Variants in MAGI2 observed in about 807,000 individuals in gnomAD.
MAGI2 encodes membrane associated guanylate kinase, WW and PDZ domain containing 2.
A neutral mutation model predicts 133.3 loss-of-function variants in MAGI2; 35 were observed. That is an observed-to-expected ratio of 0.26 (90% CI 0.20 to 0.35). The LOEUF (loss-of-function observed/expected upper bound fraction) is 0.35, where lower values mean the gene tolerates loss of function less well. Ranked by LOEUF, MAGI2 falls within the 10% of genes least tolerant of loss-of-function variation. The pLI, the probability that MAGI2 is intolerant of heterozygous loss-of-function variation, is 1.00. For missense variants in MAGI2, 1,636 were observed against 1,863.4 expected (o/e 0.88, Z 2.25); for synonymous variants, 729 against 710.6 (o/e 1.03, Z -0.41).
chr7:78,256,034 C>A lies in MAGI2; in HGVS notation c.1956G>T (p.Gln652His). The A allele has an allele frequency of 6.2e-7, 1 of 1,613,624 alleles. No homozygotes were observed. Among genetic ancestry groups the A allele is most frequent in the Non-Finnish European group, 8.5e-7 (1 of 1,179,876 alleles). Reference sequence around the variant, plus strand: ...CTGTATGGCTCAGGTTCTGTACATTCTGCTGGTTGATCTCAACAATGAGGT... The same window carrying A: ...CTGTATGGCTCAGGTTCTGTACATTATGCTGGTTGATCTCAACAATGAGGT... ...EGDLIVEINQQNVQNLSHTEV... is the reference protein window; with the variant it reads ...EGDLIVEINQHNVQNLSHTEV... Residue 652 changes from glutamine (Q) to histidine (H), a missense_variant, in exon 10 of 22, where the codon CAG becomes CAT. Transcript: ENST00000354212.
At position 78,603,580 on chromosome 7, in the gene MAGI2, C is replaced by T. The variant is rs146722080; in HGVS notation, c.538+23540G>A. ...GCCCTGTCACCGAGGCTGGAGTGCACGACGCGATGTCAGCTCACTGCAACC... is the reference window on the plus strand; with the variant it reads ...GCCCTGTCACCGAGGCTGGAGTGCATGACGCGATGTCAGCTCACTGCAACC... On this transcript the variant is annotated intron_variant, in intron 3 of 21. Transcript: ENST00000354212. Among the ~76,000 whole-genome samples, 136 of 152,218 alleles carry T rather than the reference C, an allele frequency of 8.9e-4. No individual in the cohort carries two copies. The South Asian group carries it at 0.013, about 14-fold the overall frequency.
intron 2 of MAGI2, among the ~76,000 whole-genome samples, chr7:78,812,744 A>G (rs1789188747): frequency 6.6e-6 from 1 of 152,184 alleles, no homozygotes; most frequent in Non-Finnish European, 1.5e-5. Flanking sequence ...TCATATGATG[A>G]CAATGAAGTA....
At chr7:79,447,766 A>C (rs1848964420) in intron 1 of MAGI2, among the ~76,000 whole-genome samples, 2 of 151,984 alleles carry the variant, frequency 1.3e-5, no homozygotes, top group Non-Finnish European at 2.9e-5. Flanking sequence ...AATACTATAA[A>C]ATGCAATACA....
intron 2 of MAGI2, among the ~76,000 whole-genome samples, chr7:78,982,056 G>A (rs951665533): frequency 6.6e-6 from 1 of 151,600 alleles, no homozygotes; most frequent in African/African-American, 2.4e-5. Flanking sequence ...TTCTTTCCCT[G>A]TGAAGAATTA....
At chr7:79,418,027 A>C (rs548798147) in intron 1 of MAGI2, among the ~76,000 whole-genome samples, 2 of 152,292 alleles carry the variant, frequency 1.3e-5, no homozygotes, top group South Asian at 4.1e-4. Flanking sequence ...ATTAAATATT[A>C]TAAAATTCAC....
At chr7:78,527,999 C>T (rs75486782) in intron 3 of MAGI2, among the ~76,000 whole-genome samples, 1 of 119,972 alleles carries the variant, frequency 8.3e-6, no homozygotes. Flanking sequence ...CTTTTTTCCC[C>T]GTTTTGGTAA....
At chr7:79,137,611 C>T (rs985427465) in intron 1 of MAGI2, among the ~76,000 whole-genome samples, 2 of 151,904 alleles carry the variant, frequency 1.3e-5, no homozygotes, top group Admixed American at 1.3e-4. Context: ...TGCCACCACA[C>T]CCAGCTAATT....
chr7:78,131,960 C>T (rs558097041), intron 18 of MAGI2, among the ~76,000 whole-genome samples: 4 of 152,124 alleles, frequency 2.6e-5, no homozygotes, highest in Non-Finnish European at 5.9e-5. Context: ...CTGCAACCTC[C>T]GCCTCCTGGG....
chr7:78,544,954 T>C (rs74302908), intron 3 of MAGI2, among the ~76,000 whole-genome samples: 6,825 of 151,550 alleles, frequency 0.045, 618 homozygotes, highest in East Asian at 0.4. Flanking sequence ...CCACCGCACC[T>C]GGCCTGTATC....
intron 13 of MAGI2, among the ~76,000 whole-genome samples, chr7:78,178,604 G>A (rs1467613697): frequency 6.6e-6 from 1 of 151,936 alleles, no homozygotes; most frequent in Non-Finnish European, 1.5e-5. Context: ...GTGTGTGTGT[G>A]TGTGTAGGGT....
chr7:78,806,780 A>C (rs1210502358), intron 2 of MAGI2, among the ~76,000 whole-genome samples: 1 of 151,878 alleles, frequency 6.6e-6, no homozygotes, highest in Non-Finnish European at 1.5e-5. Context: ...AGGCAGAAAA[A>C]TCACTTGAAC....
In MAGI2 at chr7:78,273,668, G is replaced by A. The variant is rs571886605; in HGVS notation, c.1409-17087C>T. The stretch of plus-strand genomic sequence containing the variant: ...CTTTTTTCCCTAATCTTCTCTTCTC[G>A]CTTTTTTTCATTGAGTTGATATCAA... On this transcript the variant is annotated intron_variant, in intron 9 of 21. Transcript: ENST00000354212. Among the ~76,000 whole-genome samples, 33 of 151,326 alleles carry A rather than the reference G, an allele frequency of 2.2e-4. No individual in the cohort carries two copies. The South Asian group carries it at 4.8e-3, about 22-fold the overall frequency.
chr7:78,148,549 T>A (rs1469075283), intron 16 of MAGI2, among the ~76,000 whole-genome samples: 1 of 151,890 alleles, frequency 6.6e-6, no homozygotes, highest in Non-Finnish European at 1.5e-5. Context: ...TAAATAGAGA[T>A]AAGTAAAAAG....
At chr7:78,021,116 G>A (rs564284451) in intron 21 of MAGI2, among the ~76,000 whole-genome samples, 1 of 152,274 alleles carries the variant, frequency 6.6e-6, no homozygotes, top group South Asian at 2.1e-4. Flanking sequence ...AATCTGAGAT[G>A]AGTTAGCTGC....
chr7:78,733,811 C>A (rs1821593157), intron 2 of MAGI2, among the ~76,000 whole-genome samples: 1 of 151,984 alleles, frequency 6.6e-6, no homozygotes, highest in African/African-American at 2.4e-5. Context: ...AATTTCTTAC[C>A]ACTAATATAA....
chr7:79,038,232 C>G (rs1470468268), intron 1 of MAGI2, among the ~76,000 whole-genome samples: 1 of 152,124 alleles, frequency 6.6e-6, no homozygotes, highest in African/African-American at 2.4e-5. Flanking sequence ...ACAAGAAAGT[C>G]AGGTAAAATG....
chr7:79,265,638 G>A (rs369727015), intron 1 of MAGI2, among the ~76,000 whole-genome samples: 5 of 152,040 alleles, frequency 3.3e-5, no homozygotes, highest in East Asian at 3.9e-4. Flanking sequence ...TGAATGTTAC[G>A]TTTTAAAGAC....
At chr7:78,874,564 A>G (rs1039617029) in intron 2 of MAGI2, among the ~76,000 whole-genome samples, 11 of 152,184 alleles carry the variant, frequency 7.2e-5, no homozygotes, top group African/African-American at 2.4e-4. Context: ...GATCTTATTC[A>G]TATGTGAAAT....
At chr7:79,449,458 T>C (rs745459174) in intron 1 of MAGI2, among the ~76,000 whole-genome samples, 1 of 151,506 alleles carries the variant, frequency 6.6e-6, no homozygotes, top group Non-Finnish European at 1.5e-5. Context: ...ATAGCAGCCA[T>C]AGTGCAAGGA....
Sources: gnomAD v4.1 joint callset for allele counts (sites outside exome capture counted in the v4.1 genomes callset) on GRCh38, gnomAD v4.1.1 for gene constraint, MANE v1.5 for transcripts, NCBI Gene and HGNC (gene_info 2026-07-23, HGNC 2026-07-21) for gene names.